Variants in KCNQ5 observed in about 807,000 individuals in gnomAD.
KCNQ5 encodes potassium voltage-gated channel subfamily KQT member 5.
Under a neutral mutation model 98.2 loss-of-function variants are expected in KCNQ5, and 30 were observed. That is an observed-to-expected ratio of 0.31 (90% CI 0.23 to 0.41). The LOEUF (loss-of-function observed/expected upper bound fraction) is 0.41, where lower values mean the gene tolerates loss of function less well. Ranked by LOEUF, KCNQ5 falls within the 10% of genes least tolerant of loss-of-function variation. KCNQ5 has a pLI of 1.00. For missense variants in KCNQ5, 835 were observed against 1,182.5 expected, an observed-to-expected ratio of 0.71 and a Z score of 4.31; for synonymous variants, 458 against 449.4, an observed-to-expected ratio of 1.02 and a Z score of -0.24.
intron 1 of KCNQ5, among the ~76,000 whole-genome samples, chr6:72,886,961 T>A (rs1379366174): frequency 6.6e-6 from 1 of 152,186 alleles, no homozygotes; most frequent in Non-Finnish European, 1.5e-5. Context: ...CCAGAAAGGA[T>A]GTCTTATCTA....
At chr6:72,953,182 A>G (rs979177850) in intron 1 of KCNQ5, among the ~76,000 whole-genome samples, 1 of 152,194 alleles carries the variant, frequency 6.6e-6, no homozygotes, top group Non-Finnish European at 1.5e-5. Context: ...CCCATGATGA[A>G]GGCCACATAA....
intron 1 of KCNQ5, among the ~76,000 whole-genome samples, chr6:72,762,051 A>G (rs189502449): frequency 1.3e-5 from 2 of 152,174 alleles, no homozygotes; most frequent in African/African-American, 4.8e-5. Flanking sequence ...GGTTAGGGGT[A>G]TATCCAGGAG....
At chr6:73,072,546 A>G (rs1773343508) in intron 3 of KCNQ5, among the ~76,000 whole-genome samples, 1 of 152,228 alleles carries the variant, frequency 6.6e-6, no homozygotes, top group African/African-American at 2.4e-5. Flanking sequence ...CCTTTTAGAC[A>G]GGGTCCATGG....
rs893560581 is a variant in KCNQ5 at position 73,185,565 on chromosome 6, T to C, written c.1578-5008T>C. 2.0e-5 allele frequency among the ~76,000 whole-genome samples: 3 copies of C among 152,218 alleles called. No individual in the cohort carries two copies. In the East Asian group the frequency reaches 5.8e-4, roughly 29 times the overall value. ...ATAGCAAATGGAAGTAATTGAAGTA[T>C]ATAATTGATTGGCTAGGGTTTTTGT... On this transcript the variant is annotated intron_variant, in intron 11 of 13. Transcript: ENST00000370398.
intron 1 of KCNQ5, among the ~76,000 whole-genome samples, chr6:72,794,030 C>T (rs1774197615): frequency 6.6e-6 from 1 of 152,172 alleles, no homozygotes; most frequent in Admixed American, 6.5e-5. Flanking sequence ...GTGACAGTCT[C>T]AGAGCCTGAT....
Position 73,099,644 on chromosome 6 carries a change from T to C in KCNQ5, c.919-5613T>C, listed in dbSNP as rs568690332. Among the ~76,000 whole-genome samples, 4 of 152,250 alleles carry C rather than the reference T, an allele frequency of 2.6e-5. No individual in the cohort carries two copies. In the East Asian group the frequency reaches 7.7e-4, roughly 29 times the overall value. ...CAAGAGGATATAACAACTATAAATATATATGCACCCAACACTGGAGCACCC... is the reference window on the plus strand; with the variant it reads ...CAAGAGGATATAACAACTATAAATACATATGCACCCAACACTGGAGCACCC... On this transcript the variant is annotated intron_variant, in intron 5 of 13. Coordinates refer to ENST00000370398, the MANE Select transcript of KCNQ5 (RefSeq NM_019842.4).
chr6:72,980,960 A>G (rs2350391), intron 1 of KCNQ5, among the ~76,000 whole-genome samples: 151,873 of 152,278 alleles, frequency 1, 75,739 homozygotes, highest in Middle Eastern at 1. Context: ...GATGGATTAC[A>G]TTTATTGATT....
At chr6:72,637,505 A>C (rs954698384) in intron 1 of KCNQ5, among the ~76,000 whole-genome samples, 1 of 152,056 alleles carries the variant, frequency 6.6e-6, no homozygotes, top group Non-Finnish European at 1.5e-5. Context: ...TTTTTCTTCA[A>C]CTAAGAGTGG....
intron 5 of KCNQ5, among the ~76,000 whole-genome samples, chr6:73,087,616 A>G (rs1280968826): frequency 6.6e-6 from 1 of 152,206 alleles, no homozygotes; most frequent in African/African-American, 2.4e-5. Context: ...AAGAGGGGAT[A>G]GAAAAGAAAG....
At chr6:73,026,135 C>G (rs150873983) in intron 2 of KCNQ5, among the ~76,000 whole-genome samples, 2 of 152,248 alleles carry the variant, frequency 1.3e-5, no homozygotes, top group African/African-American at 4.8e-5. Context: ...CTGTCTCTAC[C>G]AAAACCTGGT....
intron 1 of KCNQ5, among the ~76,000 whole-genome samples, chr6:72,873,857 T>G (rs1009548400): frequency 6.6e-6 from 1 of 152,062 alleles, no homozygotes; most frequent in African/African-American, 2.4e-5. Flanking sequence ...TATGTGCATA[T>G]AAACGTATAT....
At chr6:72,660,351 C>T (rs536880905) in intron 1 of KCNQ5, among the ~76,000 whole-genome samples, 43 of 152,208 alleles carry the variant, frequency 2.8e-4, no homozygotes, top group African/African-American at 1.0e-3. Flanking sequence ...GATTCTAGAG[C>T]GCGGACATGA....
chr6:72,825,185 G>A (rs1389264555), intron 1 of KCNQ5, among the ~76,000 whole-genome samples: 1 of 151,922 alleles, frequency 6.6e-6, no homozygotes, highest in African/African-American at 2.4e-5. Flanking sequence ...GGGAGACTGG[G>A]CTGTCTTTTC....
intron 1 of KCNQ5, among the ~76,000 whole-genome samples, chr6:72,715,081 T>C (rs1769578541): frequency 6.6e-6 from 1 of 152,194 alleles, no homozygotes; most frequent in South Asian, 2.1e-4. Flanking sequence ...TGTCTTTCAA[T>C]TGGGACCAAA....
chr6:72,828,874 G>T (rs916834138), intron 1 of KCNQ5, among the ~76,000 whole-genome samples: 2 of 152,016 alleles, frequency 1.3e-5, no homozygotes, highest in African/African-American at 4.8e-5. Context: ...AAAACCTTCA[G>T]CTTTTCCCCA....
chr6:73,093,712 G>T (rs1363334949), intron 5 of KCNQ5, among the ~76,000 whole-genome samples: 1 of 152,050 alleles, frequency 6.6e-6, no homozygotes, highest in Non-Finnish European at 1.5e-5. Context: ...TATTTGCATG[G>T]CTTTGAAAGT....
intron 1 of KCNQ5, among the ~76,000 whole-genome samples, chr6:72,774,047 A>G (rs1038302479): frequency 1.2e-4 from 19 of 152,244 alleles, no homozygotes; most frequent in African/African-American, 4.6e-4. Flanking sequence ...TGCAAGGTCA[A>G]TTGGATAGCC....
rs1775869175 is a variant in KCNQ5, at chr6:73,124,502, G to A, written c.1237G>A (p.Ala413Thr). 1 of 1,613,356 alleles carries A rather than the reference G, an allele frequency of 6.2e-7. No homozygotes were observed. Among genetic ancestry groups the A allele is most frequent in the Admixed American group, 1.7e-5 (1 of 59,950 alleles). Residue 413 changes from alanine (A) to threonine (T), a missense_variant, in exon 9 of 14, where the codon GCA (alanine) becomes ACA (threonine). This residue lies in a region of KCNQ5 where 146 missense variants were observed against 256.7 expected (regional missense o/e 0.57). Coordinates refer to ENST00000370398, the MANE Select transcript of KCNQ5 (RefSeq NM_019842.4). ...CACCTGAAGGAAAGAACAAGGGGAA[G>A]CATCAAGCAGGTTTGTGATTTCTCT... The part of the protein sequence containing the change: ...CSPTKKEQGE[A>T]SSSQKLSFKE...
At chr6:72,924,873 T>G (rs58117677) in intron 1 of KCNQ5, among the ~76,000 whole-genome samples, 2,287 of 152,166 alleles carry the variant, frequency 0.015, 55 homozygotes, top group African/African-American at 0.051. Context: ...TCTTATTCCT[T>G]TTTTTTCCTT....
Sources: gnomAD v4.1 joint callset for allele counts (sites outside exome capture counted in the v4.1 genomes callset) on GRCh38, gnomAD v4.1.1 for gene constraint, gnomAD v4.1.1 regional missense constraint, MANE v1.5 for transcripts, NCBI Gene and HGNC (gene_info 2026-07-23, HGNC 2026-07-21) for gene names.